The following CNTNAP2 variants were observed in gnomAD, a reference collection of about 807,000 sequenced individuals.
The protein encoded by CNTNAP2 is contactin-associated protein-like 2.
In CNTNAP2, 98 loss-of-function variants were observed where a neutral mutation model predicts 155.2. The observed-to-expected ratio is 0.63, with a 90% confidence interval of 0.54 to 0.75. The LOEUF is 0.75. CNTNAP2 is among the 30% of genes least tolerant of loss of function. CNTNAP2 has a pLI of 0.00. For missense variants in CNTNAP2, 1,727 were observed against 1,688.1 expected (o/e 1.02, Z -0.40); for synonymous variants, 651 against 631.2 (o/e 1.03, Z -0.47).
chr7:146,582,171 T>C (rs1798621506), intron 1 of CNTNAP2, among the ~76,000 whole-genome samples: 1 of 152,154 alleles, frequency 6.6e-6, no homozygotes. Flanking sequence ...CTGGAGTGGG[T>C]GACTTCAAGA....
intron 1 of CNTNAP2, among the ~76,000 whole-genome samples, chr7:146,427,302 A>G (rs1796107594): frequency 6.6e-6 from 1 of 152,174 alleles, no homozygotes; most frequent in Non-Finnish European, 1.5e-5. Context: ...TTTGGGAAAG[A>G]GCCAGATAGC....
intron 1 of CNTNAP2, among the ~76,000 whole-genome samples, chr7:146,705,785 G>A (rs1158494835): frequency 1.3e-5 from 2 of 152,018 alleles, no homozygotes; most frequent in Non-Finnish European, 2.9e-5. Context: ...GGGGGAAGCT[G>A]CCCTAATGAT....
intron 15 of CNTNAP2, among the ~76,000 whole-genome samples, chr7:147,994,914 C>T (rs1161939001): frequency 6.6e-6 from 1 of 152,150 alleles, no homozygotes; most frequent in Non-Finnish European, 1.5e-5. Context: ...TAAGGGGGAA[C>T]TGCTATAGTT....
intron 18 of CNTNAP2, chr7:148,190,790 A>G (rs1795191703): frequency 6.6e-6 from 1 of 152,006 alleles, no homozygotes; most frequent in Admixed American, 6.6e-5. Context: ...TCTGTAGTAC[A>G]AATACTGGAG....
intron 1 of CNTNAP2, among the ~76,000 whole-genome samples, chr7:146,359,038 A>G (rs568106643): frequency 6.6e-6 from 1 of 152,316 alleles, no homozygotes; most frequent in African/African-American, 2.4e-5. Context: ...TCTTAATTAG[A>G]AAGACTATTT....
chr7:148,294,260 G>C (rs1314069864), intron 21 of CNTNAP2, among the ~76,000 whole-genome samples: 1 of 152,080 alleles, frequency 6.6e-6, no homozygotes, highest in Non-Finnish European at 1.5e-5. Context: ...GTAAGTCACA[G>C]AAATGTTATT....
intron 13 of CNTNAP2, among the ~76,000 whole-genome samples, chr7:147,641,199 G>A (rs1437798878): frequency 2.6e-5 from 4 of 152,224 alleles, no homozygotes; most frequent in Non-Finnish European, 5.9e-5. Context: ...TCCCCTCTAT[G>A]TGTCTAAAAT....
At chr7:146,721,546 ATATT>A (rs1279648356) in intron 1 of CNTNAP2, among the ~76,000 whole-genome samples, 31 of 123,532 alleles carry the variant, frequency 2.5e-4, no homozygotes, top group African/African-American at 9.2e-4. Flanking sequence ...CATTCTATAT[ATATT>A]CTATATACAT....
At chr7:148,287,787 CT>C (rs1230237736) in intron 21 of CNTNAP2, among the ~76,000 whole-genome samples, 2 of 64,906 alleles carry the variant, frequency 3.1e-5, no homozygotes, top group East Asian at 5.7e-4. Flanking sequence ...TTCTTTCTTT[CT>C]TTTTTTCTTT....
intron 17 of CNTNAP2, among the ~76,000 whole-genome samples, chr7:148,167,766 G>C (rs1332665893): frequency 6.6e-6 from 1 of 152,114 alleles, no homozygotes; most frequent in African/African-American, 2.4e-5. Context: ...AATAGTTGAT[G>C]ATCCTGAGAA....
chr7:147,655,742 T>C (rs546973094), intron 13 of CNTNAP2, among the ~76,000 whole-genome samples: 4 of 152,286 alleles, frequency 2.6e-5, no homozygotes, highest in African/African-American at 9.6e-5. Context: ...TTAAGGATCC[T>C]AGGATTTTTG....
chr7:147,509,035 A>G (rs1283085931), intron 11 of CNTNAP2, among the ~76,000 whole-genome samples: 1 of 152,232 alleles, frequency 6.6e-6, no homozygotes, highest in Non-Finnish European at 1.5e-5. Flanking sequence ...CTGTCTTTGT[A>G]TAGTTTAACC....
chr7:148,180,272 G>A (rs149215285), intron 18 of CNTNAP2, among the ~76,000 whole-genome samples: 110 of 152,196 alleles, frequency 7.2e-4, no homozygotes, highest in African/African-American at 2.6e-3. Flanking sequence ...TGACAGATTT[G>A]GAAGAAGGCC....
rs546753272 is a variant in CNTNAP2, at chr7:147,962,789, A to C, written c.2256-15073A>C. On this transcript the variant is annotated intron_variant, in intron 14 of 23. Coordinates refer to ENST00000361727, the MANE Select transcript of CNTNAP2 (RefSeq NM_014141.6). ...AATTTCATCCAAAAAGCTTTGTAAT[A>C]GATGAGGAAATTAACAATAAGTTAG... 5.9e-5 allele frequency among the ~76,000 whole-genome samples: 9 copies of C among 152,320 alleles called. 1 individual carries two copies. In the South Asian group the frequency reaches 1.9e-3, roughly 32 times the overall value.
intron 3 of CNTNAP2, among the ~76,000 whole-genome samples, chr7:146,931,879 T>TAATCCAGGAAA (rs1796767217): frequency 6.6e-6 from 1 of 152,150 alleles, no homozygotes. Context: ...CTCCCAAGAC[T>TAATCCAGGAAA]AATCCAGGAA....
intron 13 of CNTNAP2, among the ~76,000 whole-genome samples, chr7:147,790,494 G>C (rs1169319634): frequency 6.6e-6 from 1 of 152,126 alleles, no homozygotes; most frequent in Non-Finnish European, 1.5e-5. Context: ...CCTGCTAAAA[G>C]GAAACCTGAT....
chr7:148,175,927 C>T (rs1187332492), intron 18 of CNTNAP2, among the ~76,000 whole-genome samples: 2 of 152,092 alleles, frequency 1.3e-5, no homozygotes, highest in Non-Finnish European at 2.9e-5. Flanking sequence ...ATTTCTACAT[C>T]AATCCCTGTC....
At chr7:148,274,641 T>G (rs1796840442) in intron 21 of CNTNAP2, among the ~76,000 whole-genome samples, 1 of 152,214 alleles carries the variant, frequency 6.6e-6, no homozygotes, top group Non-Finnish European at 1.5e-5. Context: ...CTGCTCCACC[T>G]TCACCTTCTG....
intron 13 of CNTNAP2, among the ~76,000 whole-genome samples, chr7:147,854,432 G>T (rs939513319): frequency 3.4e-4 from 51 of 152,106 alleles, no homozygotes; most frequent in African/African-American, 1.2e-3. Flanking sequence ...CAAAACAGTA[G>T]CTCAGACTGT....
Sources: allele counts gnomAD v4.1 joint callset (sites outside exome capture counted in the v4.1 genomes callset), GRCh38; gene constraint gnomAD v4.1.1; transcripts MANE v1.5; gene names NCBI Gene and HGNC (gene_info 2026-07-23, HGNC 2026-07-21).